The following KDM2B variants were observed in gnomAD, a reference collection of about 807,000 sequenced individuals.
KDM2B encodes the protein lysine demethylase 2B, also known as lysine-specific demethylase 2B.
Under a neutral mutation model 150.0 loss-of-function variants are expected in KDM2B, and 26 were observed. The observed-to-expected ratio is 0.17, with a 90% confidence interval of 0.13 to 0.24. KDM2B has a LOEUF of 0.24. Among genes scored for constraint, KDM2B ranks in the 10% least tolerant of loss-of-function variants. The pLI is 1.00. For missense variants in KDM2B, 1,265 were observed against 1,816.9 expected, an observed-to-expected ratio of 0.70 and a Z score of 5.52; for synonymous variants, 734 against 729.5, an observed-to-expected ratio of 1.01 and a Z score of -0.10.
chr12:121,581,012 A>G lies in KDM2B; in HGVS notation c.-101T>C. The G allele has an allele frequency of 6.8e-7, 1 of 1,466,608 alleles. No individual in the cohort carries two copies. 90.8% of individuals were successfully genotyped at this position (1,466,608 alleles called of 1,614,324 possible). A position where few individuals can be genotyped will look rare whatever the true frequency, so the allele number is the denominator to read the frequency against. On this transcript the variant is annotated 5_prime_UTR_variant, in exon 1 of 23. Coordinates refer to ENST00000377071, the MANE Select transcript of KDM2B (RefSeq NM_032590.5). Reference sequence around the variant, plus strand: ...ACTCCCGGCACTCAAAGATGTGGACACACACACGTACAGGAAATACAGCCA... The same window carrying G: ...ACTCCCGGCACTCAAAGATGTGGACGCACACACGTACAGGAAATACAGCCA...
At chr12:121,426,983 G>A (rs188375262), downstream of KDM2B, among the ~76,000 whole-genome samples, 44 of 152,262 alleles carry the variant, frequency 2.9e-4, no homozygotes, top group African/African-American at 1.0e-3. Flanking sequence ...GTCTGCAGTG[G>A]AATACAGTGA....
chr12:121,539,888 C>T (rs1555309449), intron 6 of KDM2B, among the ~76,000 whole-genome samples: 1 of 152,078 alleles, frequency 6.6e-6, no homozygotes, highest in Non-Finnish European at 1.5e-5. Context: ...TCCAGGGGCA[C>T]ACCACTACAC....
Position 121,453,716 on chromosome 12 carries a change from G to T in KDM2B, c.1735-372C>A, listed in dbSNP as rs1447273328. 6.6e-6 allele frequency among the ~76,000 whole-genome samples: 1 copy of T among 152,174 alleles called. No individual in the cohort carries two copies. The highest frequency in any genetic ancestry group is 1.5e-5 in the Non-Finnish European group (1 of 68,040). Reference sequence around the variant, plus strand: ...ACATACCAGGAGCTGGAGGCGCGGGGAAGGACCCTCCCCTAGAGCCCGCAG... The same window carrying T: ...ACATACCAGGAGCTGGAGGCGCGGGTAAGGACCCTCCCCTAGAGCCCGCAG... On this transcript the variant is annotated intron_variant, in intron 12 of 22. Coordinates refer to ENST00000377071, the MANE Select transcript of KDM2B (RefSeq NM_032590.5). The surrounding 1 kb of genome is among the most constrained non-coding windows in gnomAD (Gnocchi z 6.4).
chr12:121,495,633 G>A (rs1171374640), intron 11 of KDM2B, among the ~76,000 whole-genome samples: 6 of 152,110 alleles, frequency 3.9e-5, no homozygotes, highest in East Asian at 1.9e-4. Flanking sequence ...AGGGCTGGGC[G>A]GTGGCACTAC....
At chr12:121,447,550 GT>G (rs1876483169) in intron 13 of KDM2B, among the ~76,000 whole-genome samples, 1 of 151,976 alleles carries the variant, frequency 6.6e-6, no homozygotes, top group Non-Finnish European at 1.5e-5. Context: ...GCAATTCCAA[GT>G]CCTTTCTAAT....
chr12:121,558,761 T>G (rs1890103531), intron 4 of KDM2B, among the ~76,000 whole-genome samples: 1 of 151,958 alleles, frequency 6.6e-6, no homozygotes, highest in Admixed American at 6.6e-5. Context: ...AGCCTAATTT[T>G]TGTATTTTTA....
Position 121,443,762 on chromosome 12 carries a change from G to A in KDM2B, c.2483C>T (p.Ser828Phe), listed in dbSNP as rs781938528. 4 of 1,609,336 alleles carry A rather than the reference G, an allele frequency of 2.5e-6. No individual in the cohort carries two copies. In the East Asian group the frequency reaches 6.7e-5, roughly 27 times the overall value. ...ASSLQTSPGS[S>F]SHLSPRPPLG... ...AGGGGGCCTCGGCGAGAGGTGAGAG[G>A]AGGAACCGGGGGACGTTTGAAGCGA... The change falls in exon 17 of 23, where the codon TCC (serine) becomes TTC (phenylalanine). Residue 828 changes from serine (S) to phenylalanine (F), a missense_variant. Ser to Phe is a radical substitution (Grantham distance 155). Transcript: ENST00000377071.
intron 12 of KDM2B, among the ~76,000 whole-genome samples, chr12:121,486,333 CTTTTTTTTTTT>C (rs71079073): frequency 6.8e-5 from 4 of 59,008 alleles, no homozygotes; most frequent in Non-Finnish European, 8.7e-5. Context: ...TTTCGAACTC[CTTTTTTTTTTT>C]TTTTTTTTTT....
intron 9 of KDM2B, among the ~76,000 whole-genome samples, chr12:121,517,399 A>G (rs1448607358): frequency 6.6e-6 from 1 of 151,912 alleles, no homozygotes; most frequent in African/African-American, 2.4e-5. Flanking sequence ...ACAGCTTCCT[A>G]GGGAACCCTG....
chr12:121,434,598 A>G (rs977097409), intron 22 of KDM2B, among the ~76,000 whole-genome samples: 2 of 152,324 alleles, frequency 1.3e-5, no homozygotes, highest in South Asian at 4.1e-4. Context: ...ACAGCATTCA[A>G]TGAAGTAATA....
At chr12:121,409,577 T>C in the KDM2B span, 3 of 152,060 alleles carry the variant, frequency 2.0e-5, no homozygotes, top group Non-Finnish European at 2.9e-5. Context: ...CCCAGGGAGT[T>C]TTCAAAAAAA....
At position 121,430,104 on chromosome 12, in the gene KDM2B, GA is replaced by G; in HGVS notation, c.*183del. On this transcript the variant is annotated 3_prime_UTR_variant, in exon 23 of 23. Transcript: ENST00000377071. This position sits in a 1 kb window ranked among gnomAD's most constrained non-coding sequence, Gnocchi z 4.4. ...CAGTTACGATTCAGAAAGACCAAAG[GA>G]AAGTGTCGGCTCACTCATCCCCCAA... 6.2e-7 allele frequency: 1 copy of G among 1,605,598 alleles called. No homozygotes were observed. Among genetic ancestry groups the G allele is most frequent in the Non-Finnish European group, 8.5e-7 (1 of 1,172,164 alleles).
intron 6 of KDM2B, among the ~76,000 whole-genome samples, chr12:121,545,546 T>C (rs1390464151): frequency 6.6e-6 from 1 of 152,144 alleles, no homozygotes; most frequent in African/African-American, 2.4e-5. Flanking sequence ...GCATTAATTA[T>C]GAAACTGAAA....
rs376714268 is a variant in KDM2B at position 121,549,100 on chromosome 12, T to C, written c.577-117A>G. On this transcript the variant is annotated intron_variant, in intron 5 of 22. Coordinates refer to ENST00000377071, the MANE Select transcript of KDM2B (RefSeq NM_032590.5). The surrounding 1 kb of genome is among the most constrained non-coding windows in gnomAD (Gnocchi z 4.4). Reference sequence around the variant, plus strand: ...CTCCCCCAATCTACTGTGGGCTCAATAGTCCCAACATGGGAGGAAGGAAGG... The same window carrying C: ...CTCCCCCAATCTACTGTGGGCTCAACAGTCCCAACATGGGAGGAAGGAAGG... The C allele has an allele frequency of 4.8e-5, 36 of 752,508 alleles. No homozygotes were observed. The South Asian group carries it at 5.4e-4, about 11-fold the overall frequency. 46.6% of individuals were successfully genotyped at this position (752,508 alleles called of 1,614,324 possible).
rs1437749986 is a variant in KDM2B, at chr12:121,478,868, G to GTT, written c.1734+15710_1734+15711insAA. ...ACAACCGGCTAATTTTTGTTTGTTT[G>GTT]TGTGTGTGTGTGTGTGTGTGTGTGT... is the stretch of plus-strand genomic sequence containing the variant. On this transcript the variant is annotated intron_variant, in intron 12 of 22. Coordinates refer to ENST00000377071, the MANE Select transcript of KDM2B (RefSeq NM_032590.5). Among the ~76,000 whole-genome samples, 46 of 143,000 alleles carry GTT rather than the reference G, an allele frequency of 3.2e-4. 1 individual carries two copies. Among genetic ancestry groups the GTT allele is most frequent in the Middle Eastern group, 3.6e-3 (1 of 276 alleles). 93.8% of individuals were successfully genotyped at this position (143,000 alleles called of 152,430 possible). A position where few individuals can be genotyped will look rare whatever the true frequency, so the allele number is the denominator to read the frequency against.
At chr12:121,548,844 TGCCAGCTCTG>T in intron 6 of KDM2B, 23 bp downstream of exon 6, 1 of 1,564,706 alleles carries the variant, frequency 6.4e-7, no homozygotes, top group Non-Finnish European at 8.8e-7. Context: ...GGGTCAACCC[TGCCAGCTCTG>T]GCCACCAGCC....
chr12:121,422,288 T>C, the KDM2B span, among the ~76,000 whole-genome samples: 14 of 152,182 alleles, frequency 9.2e-5, no homozygotes, highest in Admixed American at 8.5e-4. Context: ...AGCTGGCATC[T>C]TTCCTAGCTT....
At chr12:121,423,686 T>A in the KDM2B span, 1 of 909,366 alleles carries the variant, frequency 1.1e-6, no homozygotes, top group Non-Finnish European at 1.7e-6. The surrounding 1 kb of genome is among the most constrained non-coding windows in gnomAD (Gnocchi z 4.3). Context: ...TTTAAAACAT[T>A]ATTTTGACTA....
intron 9 of KDM2B, chr12:121,516,761 C>A: frequency 1.5e-6 from 1 of 647,516 alleles, no homozygotes; most frequent in Non-Finnish European, 2.7e-6. Context: ...CAGGAGATGA[C>A]AACAAAAGGT....
Sources: allele counts gnomAD v4.1 joint callset (sites outside exome capture counted in the v4.1 genomes callset), GRCh38; gene constraint gnomAD v4.1.1; non-coding constraint Gnocchi (gnomAD v3.1); transcripts MANE v1.5; gene names NCBI Gene and HGNC (gene_info 2026-07-23, HGNC 2026-07-21).